BEND4: variants seen among roughly 807,000 people sequenced by gnomAD.
The protein encoded by BEND4 is BEN domain containing 4, also known as BEN domain-containing protein 4.
Under a neutral mutation model 54.7 loss-of-function variants are expected in BEND4, and 27 were observed. The ratio of observed to expected loss-of-function variants is 0.49; its 90% CI spans 0.36 to 0.68. The LOEUF (loss-of-function observed/expected upper bound fraction) is 0.68, where lower values mean the gene tolerates loss of function less well. Among genes scored for constraint, BEND4 ranks in the 30% least tolerant of loss-of-function variants. BEND4 has a pLI of 0.00. For synonymous variants in BEND4, 327 were observed against 299.5 expected (o/e 1.09, Z -0.95); for missense variants, 702 against 697.2 (o/e 1.01, Z -0.08).
chr4:42,149,975 G>A (rs1721206357), intron 2 of BEND4, among the ~76,000 whole-genome samples: 1 of 152,152 alleles, frequency 6.6e-6, no homozygotes, highest in East Asian at 1.9e-4. Flanking sequence ...AGACTGACCT[G>A]GGCAGATAGA....
chr4:42,123,710 A>AAACAAAACAAAAC (rs1249184894), intron 4 of BEND4, among the ~76,000 whole-genome samples: 7 of 151,324 alleles, frequency 4.6e-5, no homozygotes, highest in African/African-American at 7.3e-5. Context: ...AAAAAAAAAA[A>AAACAAAACAAAAC]AAAAAAACAA....
chr4:42,137,359 A>T (rs1186043456), intron 3 of BEND4, among the ~76,000 whole-genome samples: 1 of 152,236 alleles, frequency 6.6e-6, no homozygotes, highest in Non-Finnish European at 1.5e-5. Context: ...ATACACAAAA[A>T]TAAACTCAAA....
intron 4 of BEND4, among the ~76,000 whole-genome samples, chr4:42,120,752 C>T (rs569614236): frequency 6.6e-6 from 1 of 152,008 alleles, no homozygotes; most frequent in East Asian, 1.9e-4. Flanking sequence ...TTGTGTTTAA[C>T]GCACCCAACA....
In BEND4 at chr4:42,113,131, A is replaced by G. The variant is rs1448107385; in HGVS notation, c.*4387T>C. ...TCTGGCACGTGTTGCCACATTAAAC[A>G]TACACCAGCAAGACTTGCACCATAT... On this transcript the variant is annotated 3_prime_UTR_variant, in exon 6 of 6. Transcript: ENST00000502486. 3 of 152,222 alleles carry G rather than the reference A, an allele frequency of 2.0e-5. No individual in the cohort carries two copies. Among genetic ancestry groups the G allele is most frequent in the African/African-American group, 7.2e-5 (3 of 41,466 alleles). The allele number at this position is 152,222 out of a possible 1,614,324, so 9.4% of individuals were successfully genotyped here.
intron 3 of BEND4, among the ~76,000 whole-genome samples, chr4:42,132,013 T>C (rs953625461): frequency 2.6e-5 from 4 of 151,988 alleles, no homozygotes; most frequent in Admixed American, 1.3e-4. Flanking sequence ...TGAAATATTT[T>C]CTGTGAAAAA....
In BEND4 at chr4:42,131,578, CTCTT is replaced by C. The variant is rs368102803; in HGVS notation, c.1055-5908_1055-5905del. 3.7e-3 allele frequency among the ~76,000 whole-genome samples: 557 copies of C among 152,234 alleles called. 1 individual carries two copies. The highest frequency in any genetic ancestry group is 5.7e-3 in the Non-Finnish European group (388 of 68,004). ...AGTCCTGGAAGGGCTTACAGGCTGG[CTCTT>C]TCTTTCTTTCCATGCACAACATTTA... On this transcript the variant is annotated intron_variant, in intron 3 of 5. Transcript: ENST00000502486.
chr4:42,134,683 T>C (rs1720633823), intron 3 of BEND4, among the ~76,000 whole-genome samples: 1 of 152,236 alleles, frequency 6.6e-6, no homozygotes, highest in Non-Finnish European at 1.5e-5. Flanking sequence ...AGAATCTGCA[T>C]GACGTGCTAT....
At chr4:42,127,512 G>A (rs1244444376) in intron 3 of BEND4, among the ~76,000 whole-genome samples, 3 of 152,186 alleles carry the variant, frequency 2.0e-5, no homozygotes, top group African/African-American at 4.8e-5. Context: ...TGTGTCTCCT[G>A]ACACTGAGCA....
chr4:42,139,799 T>C (rs1281459998), intron 3 of BEND4, among the ~76,000 whole-genome samples: 5 of 152,162 alleles, frequency 3.3e-5, no homozygotes, highest in Non-Finnish European at 5.9e-5. Context: ...TAGATTCTAC[T>C]AGAAGAAAGC....
At chr4:42,149,226 A>C (rs1334873748) in intron 2 of BEND4, among the ~76,000 whole-genome samples, 1 of 109,422 alleles carries the variant, frequency 9.1e-6, no homozygotes, top group Non-Finnish European at 1.7e-5. Context: ...TTAAATGGCC[A>C]CGGGTCTGTG....
At chr4:42,146,868 C>A (rs1721097963) in intron 2 of BEND4, among the ~76,000 whole-genome samples, 1 of 152,090 alleles carries the variant, frequency 6.6e-6, no homozygotes. Flanking sequence ...CAGTGTCCTA[C>A]AACACACTCA....
At chr4:42,145,403 C>T (rs950232322) in intron 2 of BEND4, among the ~76,000 whole-genome samples, 1 of 151,976 alleles carries the variant, frequency 6.6e-6, no homozygotes, top group Non-Finnish European at 1.5e-5. Flanking sequence ...TAAGAATATA[C>T]ATGTAAAACA....
At position 42,139,139 on chromosome 4, in the gene BEND4, A is replaced by G. The variant is rs61276825; in HGVS notation, c.1054+4289T>C. ...TCTCATCCCTTCACATTCCTGATCC[A>G]AAAGTCTTCTGCTTTTGTGGTTTTT... is the stretch of plus-strand genomic sequence containing the variant. On this transcript the variant is annotated intron_variant, in intron 3 of 5. Transcript: ENST00000502486. Among the ~76,000 whole-genome samples the G allele has an allele frequency of 5.1e-3, 772 of 152,296 alleles. 4 individuals carry two copies. The highest frequency in any genetic ancestry group is 0.018 in the African/African-American group (741 of 41,560).
chr4:42,124,524 A>C (rs183886308), intron 4 of BEND4, among the ~76,000 whole-genome samples: 47 of 152,058 alleles, frequency 3.1e-4, no homozygotes, highest in African/African-American at 9.7e-4. Flanking sequence ...AAGGCTAAGG[A>C]CAAGAGAGAG....
At chr4:42,123,594 G>A (rs759752347) in intron 4 of BEND4, among the ~76,000 whole-genome samples, 7 of 150,058 alleles carry the variant, frequency 4.7e-5, no homozygotes, top group African/African-American at 9.9e-5. Context: ...GCTTTTCAGC[G>A]GTGCTTTTTA....
At chr4:42,128,795 G>T (rs1247116513) in intron 3 of BEND4, among the ~76,000 whole-genome samples, 2 of 149,830 alleles carry the variant, frequency 1.3e-5, no homozygotes, top group Non-Finnish European at 2.9e-5. Flanking sequence ...AAACAGCCGG[G>T]CGTGGTGGTG....
intron 3 of BEND4, among the ~76,000 whole-genome samples, chr4:42,141,503 C>A (rs527323542): frequency 1.3e-5 from 2 of 152,086 alleles, no homozygotes; most frequent in Non-Finnish European, 2.9e-5. Flanking sequence ...GGGCCAAGGC[C>A]GGCGGATCAC....
chr4:42,151,434 C>A, intron 2 of BEND4: 1 of 361,944 alleles, frequency 2.8e-6, no homozygotes, highest in South Asian at 9.4e-5. Context: ...GGATCCAAGC[C>A]GCGGAGCCAC....
intron 4 of BEND4, 68 bp downstream of exon 4, chr4:42,125,515 C>T (rs1720238934): frequency 3.2e-6 from 4 of 1,240,442 alleles, no homozygotes; most frequent in Non-Finnish European, 4.7e-6. Context: ...CTGGTATACA[C>T]TGATAAGTTA....
Sources: gnomAD v4.1 joint callset for allele counts (sites outside exome capture counted in the v4.1 genomes callset) on GRCh38, gnomAD v4.1.1 for gene constraint, MANE v1.5 for transcripts, NCBI Gene and HGNC (gene_info 2026-07-23, HGNC 2026-07-21) for gene names.